TANC2: variants seen among roughly 807,000 people sequenced by gnomAD.
TANC2 encodes the protein protein TANC2.
Under a neutral mutation model 210.5 loss-of-function variants are expected in TANC2, and 26 were observed. The ratio of observed to expected loss-of-function variants is 0.12; its 90% CI spans 0.09 to 0.17. The LOEUF (loss-of-function observed/expected upper bound fraction) is 0.17, where lower values mean the gene tolerates loss of function less well. Among genes scored for constraint, TANC2 ranks in the 10% least tolerant of loss-of-function variants. The pLI is 1.00. For missense variants in TANC2, 2,129 were observed against 2,608.9 expected (o/e 0.82, Z 4.01); for synonymous variants, 931 against 967.1 (o/e 0.96, Z 0.69).
At chr17:63,068,662 A>G (rs2036289897) in intron 2 of TANC2, among the ~76,000 whole-genome samples, 1 of 152,208 alleles carries the variant, frequency 6.6e-6, no homozygotes, top group Admixed American at 6.5e-5. Flanking sequence ...TTAAGTAAAA[A>G]TGGCACATTG....
At chr17:63,045,697 G>A (rs1469020740) in intron 2 of TANC2, among the ~76,000 whole-genome samples, 1 of 152,044 alleles carries the variant, frequency 6.6e-6, no homozygotes, top group African/African-American at 2.4e-5. Context: ...CTTACATCCA[G>A]TGATTTATCA....
chr17:63,026,074 T>C (rs944784609), intron 2 of TANC2, among the ~76,000 whole-genome samples: 2 of 152,122 alleles, frequency 1.3e-5, no homozygotes, highest in Non-Finnish European at 2.9e-5. Flanking sequence ...TTCATTGATA[T>C]TTCTAATCAG....
In TANC2 at chr17:63,299,970, G is replaced by A. The variant is rs898113818; in HGVS notation, c.1160-14418G>A. Among the ~76,000 whole-genome samples the A allele has an allele frequency of 2.0e-5, 3 of 152,138 alleles. No homozygotes were observed. The East Asian group carries it at 5.8e-4, about 29-fold the overall frequency. On this transcript the variant is annotated intron_variant, in intron 9 of 27. Transcript: ENST00000689528. ...GAGTTAATTTTTGTATAAGGTGTAA[G>A]GAAGGGGTCCAGTTTCAGTTTTCTG... is the stretch of plus-strand genomic sequence containing the variant.
At chr17:63,048,725 A>G (rs1464509210) in intron 2 of TANC2, among the ~76,000 whole-genome samples, 1 of 152,166 alleles carries the variant, frequency 6.6e-6, no homozygotes, top group Non-Finnish European at 1.5e-5. Context: ...GTTCTCTCTT[A>G]TAAATGGGAA....
chr17:63,070,300 T>C (rs758793555), intron 2 of TANC2, among the ~76,000 whole-genome samples: 3 of 152,196 alleles, frequency 2.0e-5, no homozygotes, highest in Non-Finnish European at 4.4e-5. Flanking sequence ...ACAGAGAAGA[T>C]TGAGATGTAA....
chr17:63,383,872 T>A (rs976996658), intron 15 of TANC2, among the ~76,000 whole-genome samples: 1 of 152,156 alleles, frequency 6.6e-6, no homozygotes, highest in Non-Finnish European at 1.5e-5. Context: ...CAGGTAATTC[T>A]AATGTGCACC....
At position 62,980,343 on chromosome 17, in the gene TANC2, A is replaced by C. The variant is rs775630881; in HGVS notation, c.-24+13594A>C. Reference sequence around the variant, plus strand: ...TTCAGGATCCATACAGATGCTTTTCATATAGGTTATCTGTAATCTGAAAAT... The same window carrying C: ...TTCAGGATCCATACAGATGCTTTTCCTATAGGTTATCTGTAATCTGAAAAT... On this transcript the variant is annotated intron_variant, in intron 1 of 27. Transcript: ENST00000689528. Among the ~76,000 whole-genome samples, 3 of 152,194 alleles carry C rather than the reference A, an allele frequency of 2.0e-5. No homozygotes were observed. In the East Asian group the frequency reaches 5.8e-4, roughly 29 times the overall value.
At position 63,348,357 on chromosome 17, in the gene TANC2, T is replaced by C. The variant is rs966214440; in HGVS notation, c.1808-2893T>C. On this transcript the variant is annotated intron_variant, in intron 12 of 27. Coordinates refer to ENST00000689528, the Ensembl canonical transcript of TANC2. ...CGTATTTGTTAGGAATACATGTAAG[T>C]GGAGGCAGTGGGGAATCCCTGGTGA... 2.0e-5 allele frequency among the ~76,000 whole-genome samples: 3 copies of C among 152,260 alleles called. No individual in the cohort carries two copies. The South Asian group carries it at 6.2e-4, about 32-fold the overall frequency.
intron 5 of TANC2, among the ~76,000 whole-genome samples, chr17:63,168,103 C>T (rs763591699): frequency 1.3e-5 from 2 of 152,050 alleles, no homozygotes; most frequent in African/African-American, 2.4e-5. Context: ...TACGATGGCT[C>T]GTGCCTGTAA....
chr17:63,289,948 C>T (rs564324988), intron 9 of TANC2, among the ~76,000 whole-genome samples: 13 of 152,170 alleles, frequency 8.5e-5, no homozygotes, highest in African/African-American at 3.1e-4. Flanking sequence ...TTCCTTCCCC[C>T]CCTTCAGTGG....
At chr17:63,069,059 CAA>C (rs1459796800) in intron 2 of TANC2, among the ~76,000 whole-genome samples, 3 of 151,962 alleles carry the variant, frequency 2.0e-5, no homozygotes, top group Non-Finnish European at 4.4e-5. Context: ...TAGTTTAAAA[CAA>C]ATTGATGTAA....
intron 4 of TANC2, among the ~76,000 whole-genome samples, chr17:63,106,429 A>T (rs1044039343): frequency 6.6e-6 from 1 of 151,598 alleles, no homozygotes; most frequent in African/African-American, 2.4e-5. Flanking sequence ...GAAAATTATT[A>T]AGAGGAAGCT....
chr17:63,236,869 C>A (rs984485775), intron 7 of TANC2, among the ~76,000 whole-genome samples: 5 of 152,026 alleles, frequency 3.3e-5, no homozygotes, highest in Non-Finnish European at 4.4e-5. Context: ...GTGTATATAC[C>A]ACATTTCTTT....
At chr17:63,057,640 G>A (rs1252215369) in intron 2 of TANC2, among the ~76,000 whole-genome samples, 1 of 152,052 alleles carries the variant, frequency 6.6e-6, no homozygotes, top group Non-Finnish European at 1.5e-5. Context: ...GTTTCCATGT[G>A]TTCTCATCAT....
intron 2 of TANC2, among the ~76,000 whole-genome samples, chr17:63,069,314 T>A (rs556323633): frequency 6.6e-6 from 1 of 152,316 alleles, no homozygotes; most frequent in East Asian, 1.9e-4. Flanking sequence ...CTGTGAATTC[T>A]AGAATATTTA....
intron 2 of TANC2, among the ~76,000 whole-genome samples, chr17:63,041,697 G>C (rs2035193821): frequency 6.6e-6 from 1 of 152,106 alleles, no homozygotes; most frequent in African/African-American, 2.4e-5. Flanking sequence ...TCTCTAAAAA[G>C]AGTTTTATGT....
chr17:63,014,764 C>T (rs1434904647), intron 2 of TANC2, among the ~76,000 whole-genome samples: 2 of 151,990 alleles, frequency 1.3e-5, no homozygotes, highest in Non-Finnish European at 2.9e-5. Flanking sequence ...ATAGCTAATT[C>T]CTTTGATTTT....
chr17:63,245,676 A>G (rs1390227241), intron 8 of TANC2, among the ~76,000 whole-genome samples: 1 of 152,000 alleles, frequency 6.6e-6, no homozygotes, highest in Non-Finnish European at 1.5e-5. Flanking sequence ...CTCCGTCTCT[A>G]CTAAAAATAC....
intron 9 of TANC2, among the ~76,000 whole-genome samples, chr17:63,271,152 A>G (rs956295007): frequency 1.3e-5 from 2 of 152,130 alleles, no homozygotes; most frequent in African/African-American, 4.8e-5. Flanking sequence ...CTTTATGATA[A>G]CAATTTATAT....
Sources: allele counts gnomAD v4.1 joint callset (sites outside exome capture counted in the v4.1 genomes callset), GRCh38; gene constraint gnomAD v4.1.1; transcripts MANE v1.5; gene names NCBI Gene and HGNC (gene_info 2026-07-23, HGNC 2026-07-21).